Variants in CNTNAP2 observed in about 807,000 individuals in gnomAD.
CNTNAP2 encodes the protein contactin-associated protein-like 2.
CNTNAP2 carries 98 observed loss-of-function variants against 155.2 expected under a neutral mutation model. The ratio of observed to expected loss-of-function variants is 0.63; its 90% CI spans 0.54 to 0.75. CNTNAP2 has a LOEUF of 0.75. Among genes scored for constraint, CNTNAP2 ranks in the 30% least tolerant of loss-of-function variants. CNTNAP2 has a pLI of 0.00. For missense variants in CNTNAP2, 1,727 were observed against 1,688.1 expected, an observed-to-expected ratio of 1.02 and a Z score of -0.40; for synonymous variants, 651 against 631.2, an observed-to-expected ratio of 1.03 and a Z score of -0.47.
chr7:147,904,675 G>GT (rs1334657906), intron 14 of CNTNAP2, among the ~76,000 whole-genome samples: 2 of 152,040 alleles, frequency 1.3e-5, no homozygotes, highest in East Asian at 3.8e-4. Flanking sequence ...TTCTGAGAAC[G>GT]TAACTTTATA....
chr7:147,925,691 G>C (rs1477319278), intron 14 of CNTNAP2, among the ~76,000 whole-genome samples: 1 of 152,142 alleles, frequency 6.6e-6, no homozygotes, highest in Non-Finnish European at 1.5e-5. Context: ...TCGATCTCCT[G>C]ACCTCGTGAT....
At chr7:147,657,836 G>T (rs1171803966) in intron 13 of CNTNAP2, among the ~76,000 whole-genome samples, 1 of 152,214 alleles carries the variant, frequency 6.6e-6, no homozygotes, top group Non-Finnish European at 1.5e-5. Context: ...TTAGCATAGT[G>T]TAAATGAAAT....
intron 1 of CNTNAP2, among the ~76,000 whole-genome samples, chr7:146,394,889 AC>A (rs1795597791): frequency 6.6e-6 from 1 of 151,248 alleles, no homozygotes; most frequent in African/African-American, 2.4e-5. Flanking sequence ...CTCATCTCTC[AC>A]CCCCTCCCAC....
chr7:146,140,904 T>C (rs1047872381), intron 1 of CNTNAP2, among the ~76,000 whole-genome samples: 1 of 152,120 alleles, frequency 6.6e-6, no homozygotes, highest in Admixed American at 6.6e-5. Context: ...TCGGAACCAC[T>C]AGAACATCTT....
chr7:147,808,364 A>G lies in CNTNAP2; in HGVS notation c.2099-95201A>G, dbSNP rs561940567. On this transcript the variant is annotated intron_variant, in intron 13 of 23. Coordinates refer to ENST00000361727, the MANE Select transcript of CNTNAP2 (RefSeq NM_014141.6). ...ATTCTGGGGAGGAGAAATCAATTCC[A>G]TCTCTCATGTATGTAGTGGAAAAGG... Among the ~76,000 whole-genome samples the G allele has an allele frequency of 9.1e-4, 138 of 152,276 alleles. 2 individuals carry two copies. The highest frequency in any genetic ancestry group is 3.1e-3 in the African/African-American group (127 of 41,552).
chr7:147,494,722 A>G (rs1408073796), intron 11 of CNTNAP2, among the ~76,000 whole-genome samples: 1 of 152,196 alleles, frequency 6.6e-6, no homozygotes, highest in Non-Finnish European at 1.5e-5. Context: ...AAGGAAAAAA[A>G]TGATATAGGG....
rs113501964 is a variant in CNTNAP2, at chr7:147,331,081, G to A, written c.1498+30791G>A. 8.7e-3 allele frequency among the ~76,000 whole-genome samples: 1,318 copies of A among 152,158 alleles called. 24 individuals are homozygous for A. Among genetic ancestry groups the A allele is most frequent in the African/African-American group, 0.03 (1,248 of 41,524 alleles). On this transcript the variant is annotated intron_variant, in intron 9 of 23. Coordinates refer to ENST00000361727, the MANE Select transcript of CNTNAP2 (RefSeq NM_014141.6). ...GTGACTGAAGCATAATCAGAGCCTA[G>A]GTATATTTGCCTTAGCTTTTAACCA... is the stretch of plus-strand genomic sequence containing the variant.
chr7:147,549,951 T>C (rs1482399986), intron 11 of CNTNAP2, among the ~76,000 whole-genome samples: 4 of 152,194 alleles, frequency 2.6e-5, no homozygotes, highest in Non-Finnish European at 4.4e-5. Context: ...TCAATGATCA[T>C]ATAATTGTTT....
intron 1 of CNTNAP2, among the ~76,000 whole-genome samples, chr7:146,275,771 AT>A (rs1241275513): frequency 6.6e-6 from 1 of 152,206 alleles, no homozygotes; most frequent in Non-Finnish European, 1.5e-5. Context: ...TGATTCTATG[AT>A]TCTCGTTTAT....
chr7:148,113,117 A>T (rs1002671863), intron 15 of CNTNAP2, among the ~76,000 whole-genome samples: 1 of 152,188 alleles, frequency 6.6e-6, no homozygotes, highest in Non-Finnish European at 1.5e-5. Context: ...CTGTTCTTGC[A>T]CTGCTGTAAA....
chr7:146,447,218 C>T (rs1429006592), intron 1 of CNTNAP2, among the ~76,000 whole-genome samples: 1 of 152,026 alleles, frequency 6.6e-6, no homozygotes, highest in Non-Finnish European at 1.5e-5. Flanking sequence ...CTGTGCTTAA[C>T]TTTTATTGCT....
At chr7:147,542,296 A>T (rs1469474674) in intron 11 of CNTNAP2, among the ~76,000 whole-genome samples, 1 of 114,738 alleles carries the variant, frequency 8.7e-6, no homozygotes, top group African/African-American at 3.2e-5. Flanking sequence ...TGGATTGTTC[A>T]GTGGTAAAAA....
At chr7:146,797,994 C>A (rs1802801206) in intron 2 of CNTNAP2, among the ~76,000 whole-genome samples, 1 of 148,962 alleles carries the variant, frequency 6.7e-6, no homozygotes, top group Admixed American at 6.6e-5. Flanking sequence ...ATATTTTTGG[C>A]CGAGTGTGGT....
At chr7:146,663,290 A>AG (rs1800126049) in intron 1 of CNTNAP2, among the ~76,000 whole-genome samples, 2 of 132,888 alleles carry the variant, frequency 1.5e-5, no homozygotes, top group Non-Finnish European at 1.6e-5. Flanking sequence ...AAAAAAAAAA[A>AG]AAAAAAAAGA....
chr7:148,152,508 C>G (rs1283648085), intron 17 of CNTNAP2, among the ~76,000 whole-genome samples: 1 of 152,108 alleles, frequency 6.6e-6, no homozygotes, highest in African/African-American at 2.4e-5. Flanking sequence ...GTGATGTTAT[C>G]TATAAAAGCA....
At chr7:147,154,461 A>T (rs1237971461) in intron 8 of CNTNAP2, among the ~76,000 whole-genome samples, 1 of 152,230 alleles carries the variant, frequency 6.6e-6, no homozygotes, top group Non-Finnish European at 1.5e-5. Context: ...TTTTTACCTC[A>T]AATTTAAAAA....
In CNTNAP2 at chr7:147,182,112, T is replaced by G. The variant is rs1282363564; in HGVS notation, c.1348+49603T>G. Among the ~76,000 whole-genome samples, 16 of 111,808 alleles carry G rather than the reference T, an allele frequency of 1.4e-4. No individual in the cohort carries two copies. The East Asian group carries it at 3.3e-3, about 23-fold the overall frequency. The allele number at this position is 111,808 out of a possible 152,430, so 73.4% of individuals were successfully genotyped here. A position where few individuals can be genotyped will look rare whatever the true frequency, so the allele number is the denominator to read the frequency against. ...CTGCACCCCAGCCTGGGCAAGAGAG[T>G]GAGACTCCATCTCAAAAAAAAAAAA... On this transcript the variant is annotated intron_variant, in intron 8 of 23. Transcript: ENST00000361727.
intron 1 of CNTNAP2, among the ~76,000 whole-genome samples, chr7:146,580,063 G>C (rs1056312756): frequency 6.6e-6 from 1 of 151,952 alleles, no homozygotes. Context: ...TATGCTTAAG[G>C]CATGTATTTT....
chr7:146,349,356 C>T (rs897586656), intron 1 of CNTNAP2, among the ~76,000 whole-genome samples: 3 of 152,102 alleles, frequency 2.0e-5, no homozygotes, highest in South Asian at 4.1e-4. Flanking sequence ...GTATTTCACC[C>T]GGAACATAGT....
Sources: gnomAD v4.1 joint callset for allele counts (sites outside exome capture counted in the v4.1 genomes callset) on GRCh38, gnomAD v4.1.1 for gene constraint, MANE v1.5 for transcripts, NCBI Gene and HGNC (gene_info 2026-07-23, HGNC 2026-07-21) for gene names.